RELT: variants seen among roughly 807,000 people sequenced by gnomAD.
The protein encoded by RELT is RELT TNF receptor, also known as tumor necrosis factor receptor superfamily member 19L.
RELT carries 37 observed loss-of-function variants against 51.1 expected under a neutral mutation model. The observed-to-expected ratio is 0.72, with a 90% CI of 0.56 to 0.95. The LOEUF (loss-of-function observed/expected upper bound fraction) is 0.95. Ranked by LOEUF, RELT falls within the 40% of genes least tolerant of loss-of-function variation. The pLI is 0.00. For synonymous variants in RELT, 241 were observed against 235.7 expected (o/e 1.02, Z -0.21); for missense variants, 535 against 572.6 (o/e 0.93, Z 0.67).
At position 73,394,580 on chromosome 11, in the gene RELT, T is replaced by C. The variant is rs1417655046; in HGVS notation, c.892T>C (p.Cys298Arg). Residue 298 changes from cysteine to arginine, a missense_variant, in exon 9 of 11, where the codon TGT becomes CGT. Transcript: ENST00000064780. The surrounding 1 kb of genome is among the most constrained non-coding windows in gnomAD (Gnocchi z 4.9). Reference sequence around the variant, plus strand: ...GCTCTCTGGCCCCTGCTGCTCCCGCTGTAGCCAGAAGAAGTGGCCCGAGGT... The same window carrying C: ...GCTCTCTGGCCCCTGCTGCTCCCGCCGTAGCCAGAAGAAGTGGCCCGAGGT... ...ASLSGPCCSR[C>R]SQKKWPEVLL... 1 of 1,613,032 alleles carries C rather than the reference T, an allele frequency of 6.2e-7. No individual in the cohort carries two copies. The highest frequency in any genetic ancestry group is 1.1e-5 in the South Asian group (1 of 91,088).
intron 1 of RELT, among the ~76,000 whole-genome samples, chr11:73,381,137 T>G (rs770798927): frequency 7.2e-5 from 11 of 152,216 alleles, no homozygotes; most frequent in Non-Finnish European, 1.5e-4. Context: ...CCAGGTCTGC[T>G]GGCCTTGAAG....
At chr11:73,393,564 G>A (rs1409251415) in intron 6 of RELT, 54 of 1,407,570 alleles carry the variant, frequency 3.8e-5, no homozygotes, top group East Asian at 2.9e-4. Context: ...CCCCTCGCCC[G>A]CCCAATTCAA....
rs1203399237 is a variant in RELT, at chr11:73,392,343, C to T, written c.500C>T (p.Ala167Val). 2 of 1,613,786 alleles carry T rather than the reference C, an allele frequency of 1.2e-6. No homozygotes were observed. The highest frequency in any genetic ancestry group is 1.7e-6 in the Non-Finnish European group (2 of 1,179,934). ...ACAGCCGCCCAGTACGCGGTCATCGCCATCGTCCCTGTCTTCTGCCTCATG... is the reference window on the plus strand; with the variant it reads ...ACAGCCGCCCAGTACGCGGTCATCGTCATCGTCCCTGTCTTCTGCCTCATG... ...EETAAQYAVI[A>V]IVPVFCLMGL... is the part of the protein sequence containing the mutation. Residue 167 changes from alanine to valine, a missense_variant, in exon 6 of 11, where the codon GCC becomes GTC. Physicochemically the swap from Ala to Val is moderately conservative, Grantham distance 64. Coordinates refer to ENST00000064780, the MANE Select transcript of RELT (RefSeq NM_152222.2).
rs763918748 is a variant in RELT, at chr11:73,394,429, C to T, written c.789-48C>T. The T allele has an allele frequency of 1.2e-6, 2 of 1,608,146 alleles. No individual in the cohort carries two copies. The highest frequency in any genetic ancestry group is 1.7e-6 in the Non-Finnish European group (2 of 1,175,846). ...GTCACCCTGTTCCCTGCTGGGGTCT[C>T]CTGCCCCTGGCCTGGCCTATGGCCA... On this transcript the variant is annotated intron_variant, in intron 8 of 10. Coordinates refer to ENST00000064780, the MANE Select transcript of RELT (RefSeq NM_152222.2). This position sits in a 1 kb window ranked among gnomAD's most constrained non-coding sequence, Gnocchi z 4.9.
At chr11:73,389,552 G>C (rs1866177829) in intron 2 of RELT, among the ~76,000 whole-genome samples, 1 of 152,206 alleles carries the variant, frequency 6.6e-6, no homozygotes, top group Admixed American at 6.5e-5. Context: ...CAGGTGCTGG[G>C]GTTCAAGATC....
chr11:73,393,630 G>A, intron 6 of RELT: 2 of 1,524,956 alleles, frequency 1.3e-6, no homozygotes, highest in South Asian at 2.4e-5. Context: ...TTGGGTGCAG[G>A]AAGCACTGGT....
Position 73,394,285 on chromosome 11 carries a change from G to A in RELT, c.756G>A (p.Gln252=). The A allele has an allele frequency of 1.2e-6, 2 of 1,612,658 alleles. No homozygotes were observed. Among genetic ancestry groups the A allele is most frequent in the Non-Finnish European group, 1.7e-6 (2 of 1,179,806 alleles). ...TGCTGAAAGAGTACCACAGCAAACA[G>A]CTGGTGCAGACGAGCCACAGGCCTG... ...EELLKEYHSK[Q]LVQTSHRPVS... is the part of the protein sequence containing the mutation. Residue 252 remains glutamine (Q), a synonymous_variant, in exon 8 of 11, where the codon CAG becomes CAA. Coordinates refer to ENST00000064780, the MANE Select transcript of RELT (RefSeq NM_152222.2). This position sits in a 1 kb window ranked among gnomAD's most constrained non-coding sequence, Gnocchi z 4.9.
At chr11:73,379,119 C>T (rs1401463991) in intron 1 of RELT, among the ~76,000 whole-genome samples, 1 of 152,134 alleles carries the variant, frequency 6.6e-6, no homozygotes, top group East Asian at 1.9e-4. Flanking sequence ...ATCAGGGTGT[C>T]CCTCGGTCCT....
chr11:73,389,251 G>C (rs922273336), intron 2 of RELT, 70 bp downstream of exon 2: 14 of 1,101,252 alleles, frequency 1.3e-5, no homozygotes, highest in Non-Finnish European at 1.8e-5. Context: ...CAGCAAGAGG[G>C]TGCAGACACT....
intron 6 of RELT, 48 bp from the exon 7 acceptor site, chr11:73,393,789 G>A (rs1435952021): frequency 6.3e-7 from 1 of 1,591,868 alleles, no homozygotes; most frequent in Non-Finnish European, 8.6e-7. Flanking sequence ...TAGCTCAGGA[G>A]TGCGGCTTCC....
At chr11:73,381,010 G>A (rs1866043061) in intron 1 of RELT, among the ~76,000 whole-genome samples, 1 of 152,146 alleles carries the variant, frequency 6.6e-6, no homozygotes, top group African/African-American at 2.4e-5. Context: ...CCGGGAGGCT[G>A]TCACATCCTC....
At position 73,389,219 on chromosome 11, in the gene RELT, C is replaced by T. The variant is rs763180243; in HGVS notation, c.45+38C>T. On this transcript the variant is annotated intron_variant, in intron 2 of 10. Transcript: ENST00000064780. ...TGGGCCCTGGGAAGGAGAAAAGCCGCACCCTCAGCCCTGCAGCCCTCCAGC... is the reference window on the plus strand; with the variant it reads ...TGGGCCCTGGGAAGGAGAAAAGCCGTACCCTCAGCCCTGCAGCCCTCCAGC... 5 of 1,446,298 alleles carry T rather than the reference C, an allele frequency of 3.5e-6. No individual in the cohort carries two copies. In the South Asian group the frequency reaches 5.1e-5, roughly 15 times the overall value. The allele number at this position is 1,446,298 out of a possible 1,614,324, so 89.6% of individuals were successfully genotyped here.
chr11:73,395,272 A>G lies in RELT; in HGVS notation c.1232A>G (p.Glu411Gly). The change falls in exon 10 of 11, where the codon GAG (glutamate) becomes GGG (glycine). Residue 411 changes from glutamate (E) to glycine (G), a missense_variant. Coordinates refer to ENST00000064780, the MANE Select transcript of RELT (RefSeq NM_152222.2). ...SRTKWLKPPA[E>G]NKAEENRYVV... Reference sequence around the variant, plus strand: ...ACAAAGTGGCTGAAGCCCCCAGCAGAGAACAAGGCCGAGGTGAGAGTCAAG... The same window carrying G: ...ACAAAGTGGCTGAAGCCCCCAGCAGGGAACAAGGCCGAGGTGAGAGTCAAG... The G allele has an allele frequency of 6.2e-7, 1 of 1,612,996 alleles. No individual in the cohort carries two copies. Among genetic ancestry groups the G allele is most frequent in the Non-Finnish European group, 8.5e-7 (1 of 1,179,906 alleles).
At chr11:73,390,458 A>C in intron 2 of RELT, 93 bp from the exon 3 acceptor site, 1 of 1,188,388 alleles carries the variant, frequency 8.4e-7, no homozygotes, top group South Asian at 1.2e-5. Context: ...GGTCCCTACC[A>C]CTGGGGTTTC....
At chr11:73,392,551 C>T in intron 6 of RELT, 83 bp downstream of exon 6, 1 of 1,518,492 alleles carries the variant, frequency 6.6e-7, no homozygotes, top group South Asian at 1.2e-5. Flanking sequence ...CAGCGGAATC[C>T]TGCCTGGCCT....
At position 73,394,634 on chromosome 11, in the gene RELT, A is replaced by G; in HGVS notation, c.946A>G (p.Thr316Ala). ...GCTGTCCCCTGAGGCTGTAGCCGCC[A>G]CTACTCCTGTTCCCAGCCTTCTGCC... ...VLLSPEAVAA[T>A]TPVPSLLPNP... Residue 316 changes from threonine (T) to alanine (A), a missense_variant, in exon 9 of 11, where the codon ACT becomes GCT. Coordinates refer to ENST00000064780, the MANE Select transcript of RELT (RefSeq NM_152222.2). The surrounding 1 kb of genome is among the most constrained non-coding windows in gnomAD (Gnocchi z 4.9). The G allele has an allele frequency of 1.2e-6, 2 of 1,613,792 alleles. No individual in the cohort carries two copies. Among genetic ancestry groups the G allele is most frequent in the Middle Eastern group, 1.6e-4 (1 of 6,062 alleles).
intron 1 of RELT, chr11:73,376,820 C>G (rs539209570): frequency 6.6e-6 from 1 of 152,134 alleles, no homozygotes; most frequent in Non-Finnish European, 1.5e-5. Flanking sequence ...TGTGAGGGGC[C>G]GGCGGGGCCC....
rs1866287301 is a variant in RELT, at chr11:73,394,947, C to T, written c.1047-140C>T. 1 of 914,474 alleles carries T rather than the reference C, an allele frequency of 1.1e-6. No homozygotes were observed. The highest frequency in any genetic ancestry group is 1.7e-5 in the African/African-American group (1 of 60,374). 56.6% of individuals were successfully genotyped at this position (914,474 alleles called of 1,614,324 possible). On this transcript the variant is annotated intron_variant, in intron 9 of 10. Coordinates refer to ENST00000064780, the MANE Select transcript of RELT (RefSeq NM_152222.2). This position sits in a 1 kb window ranked among gnomAD's most constrained non-coding sequence, Gnocchi z 4.9. Reference sequence around the variant, plus strand: ...TGGAGCCCTTGCATCCCTAGGGCAGCATCTTGGCCCCCATGGCACCCGGGC... The same window carrying T: ...TGGAGCCCTTGCATCCCTAGGGCAGTATCTTGGCCCCCATGGCACCCGGGC...
Position 73,392,668 on chromosome 11 carries a change from C to T in RELT, c.625+200C>T. 9 of 1,426,714 alleles carry T rather than the reference C, an allele frequency of 6.3e-6. No individual in the cohort carries two copies. In the South Asian group the frequency reaches 8.8e-5, roughly 14 times the overall value. The allele number at this position is 1,426,714 out of a possible 1,614,324, so 88.4% of individuals were successfully genotyped here. A position where few individuals can be genotyped will look rare whatever the true frequency, so the allele number is the denominator to read the frequency against. On this transcript the variant is annotated intron_variant, in intron 6 of 10. Coordinates refer to ENST00000064780, the MANE Select transcript of RELT (RefSeq NM_152222.2). Reference sequence around the variant, plus strand: ...GGCCGTGGGGGCAGAGCAGAGGTGGCACAGCTGGTCAAGTGGCTTCAGTGG... The same window carrying T: ...GGCCGTGGGGGCAGAGCAGAGGTGGTACAGCTGGTCAAGTGGCTTCAGTGG...
Sources: gnomAD v4.1 joint callset for allele counts (sites outside exome capture counted in the v4.1 genomes callset) on GRCh38, gnomAD v4.1.1 for gene constraint, Gnocchi (gnomAD v3.1) non-coding constraint, MANE v1.5 for transcripts, NCBI Gene and HGNC (gene_info 2026-07-23, HGNC 2026-07-21) for gene names.